The following KDM4C variants were observed in gnomAD, a reference collection of about 807,000 sequenced individuals.
The protein encoded by KDM4C is lysine demethylase 4C.
Under a neutral mutation model 129.3 loss-of-function variants are expected in KDM4C, and 81 were observed. The observed-to-expected ratio is 0.63, with a 90% confidence interval of 0.52 to 0.75. The LOEUF (loss-of-function observed/expected upper bound fraction) is 0.75. KDM4C is among the 30% of genes least tolerant of loss of function. The probability of loss-of-function intolerance (pLI) is 0.00; values close to 1 mark genes in which losing one functional copy is unlikely to be tolerated. For missense variants in KDM4C, 1,457 were observed against 1,304.0 expected (o/e 1.12, Z -1.81); for synonymous variants, 573 against 456.1 (o/e 1.26, Z -3.26).
chr9:6,982,762 C>G (rs1158023070), intron 9 of KDM4C: 1 of 152,174 alleles, frequency 6.6e-6, no homozygotes, highest in Non-Finnish European at 1.5e-5. Flanking sequence ...GACTTGGTTT[C>G]CAGGTATTAA....
At chr9:6,935,525 C>A (rs1047716172) in intron 8 of KDM4C, among the ~76,000 whole-genome samples, 5 of 151,600 alleles carry the variant, frequency 3.3e-5, no homozygotes, top group African/African-American at 1.2e-4. Context: ...TCAAGAGATT[C>A]TCCTGCCTTG....
intron 1 of KDM4C, among the ~76,000 whole-genome samples, chr9:6,733,375 G>A (rs969947411): frequency 6.6e-6 from 1 of 152,206 alleles, no homozygotes; most frequent in African/African-American, 2.4e-5. Context: ...TTCTGTTACA[G>A]AGACTGTTTG....
intron 5 of KDM4C, among the ~76,000 whole-genome samples, chr9:6,878,742 G>A (rs1381277602): frequency 6.6e-6 from 1 of 152,042 alleles, no homozygotes; most frequent in Non-Finnish European, 1.5e-5. Context: ...GTGTGTGTGT[G>A]TATGTATGTG....
intron 4 of KDM4C, among the ~76,000 whole-genome samples, chr9:6,820,129 T>TGTGGGGTGGAGGGACAGTTG (rs1274930657): frequency 6.6e-6 from 1 of 152,116 alleles, no homozygotes; most frequent in African/African-American, 2.4e-5. Context: ...TCATAGACTT[T>TGTGGGGTGGAGGGACAGTTG]GTGGGGTGGA....
intron 4 of KDM4C, among the ~76,000 whole-genome samples, chr9:6,844,193 GGA>G (rs1452641102): frequency 6.6e-6 from 1 of 151,982 alleles, no homozygotes; most frequent in African/African-American, 2.4e-5. Flanking sequence ...TTATAACGTT[GGA>G]TTGAGTCTTC....
chr9:6,924,830 C>G, intron 8 of KDM4C: 2 of 980,982 alleles, frequency 2.0e-6, no homozygotes, highest in Non-Finnish European at 2.4e-6. Flanking sequence ...TTGCTATTAA[C>G]ATGAAAATAA....
intron 17 of KDM4C, among the ~76,000 whole-genome samples, chr9:7,055,777 G>C (rs559214056): frequency 6.6e-6 from 1 of 152,304 alleles, no homozygotes; most frequent in South Asian, 2.1e-4. Context: ...GAATTATTGA[G>C]AGGTAGAGAT....
intron 17 of KDM4C, among the ~76,000 whole-genome samples, chr9:7,082,473 T>G (rs569107433): frequency 2.6e-5 from 4 of 152,314 alleles, no homozygotes; most frequent in African/African-American, 9.6e-5. Context: ...CCTTTCAGTT[T>G]GGGTCCTCAC....
At chr9:7,021,310 A>T (rs1824814606) in intron 15 of KDM4C, among the ~76,000 whole-genome samples, 1 of 151,488 alleles carries the variant, frequency 6.6e-6, no homozygotes, top group Non-Finnish European at 1.5e-5. Flanking sequence ...ATGCCCGGCT[A>T]ATTTTTGTGT....
chr9:6,816,637 T>C (rs529479421), intron 4 of KDM4C, among the ~76,000 whole-genome samples: 1 of 152,334 alleles, frequency 6.6e-6, no homozygotes, highest in Non-Finnish European at 1.5e-5. Context: ...TTACACTTCC[T>C]ATAGCAATGT....
At chr9:7,159,500 C>T (rs1253884133) in intron 19 of KDM4C, among the ~76,000 whole-genome samples, 9 of 152,150 alleles carry the variant, frequency 5.9e-5, no homozygotes, top group Non-Finnish European at 2.9e-5. Context: ...TGGTGCTTCC[C>T]TCAGGAGCTC....
chr9:6,885,630 A>T (rs1056324401), intron 6 of KDM4C, among the ~76,000 whole-genome samples: 4 of 152,104 alleles, frequency 2.6e-5, no homozygotes, highest in Non-Finnish European at 5.9e-5. Context: ...CAAAAAAAAA[A>T]AAAAGGCAGT....
chr9:7,031,876 A>G (rs1295139441), intron 15 of KDM4C, among the ~76,000 whole-genome samples: 1 of 152,198 alleles, frequency 6.6e-6, no homozygotes, highest in Non-Finnish European at 1.5e-5. Context: ...TCTGAGGTGT[A>G]ATGGTCTTCA....
intron 5 of KDM4C, among the ~76,000 whole-genome samples, chr9:6,858,449 A>T (rs943977866): frequency 3.3e-5 from 5 of 152,192 alleles, no homozygotes; most frequent in Admixed American, 6.5e-5. Context: ...TGTTTACCCA[A>T]CTTTCTTTAT....
At chr9:6,792,684 G>A (rs1826907062) in intron 1 of KDM4C, among the ~76,000 whole-genome samples, 1 of 152,130 alleles carries the variant, frequency 6.6e-6, no homozygotes, top group South Asian at 2.1e-4. Flanking sequence ...ACCGCACCCG[G>A]CCTAGAAAAT....
At chr9:7,015,211 G>A (rs1243521975) in intron 14 of KDM4C, among the ~76,000 whole-genome samples, 1 of 151,792 alleles carries the variant, frequency 6.6e-6, no homozygotes, top group Non-Finnish European at 1.5e-5. Flanking sequence ...CCTCTTATAC[G>A]GAGGGGTTTT....
At chr9:6,992,842 T>A (rs752644) in intron 12 of KDM4C, among the ~76,000 whole-genome samples, 109,113 of 152,122 alleles carry the variant, frequency 0.72, 39,511 homozygotes, top group South Asian at 0.84. Flanking sequence ...TAAACAACAA[T>A]CAGTGTCTTC....
chr9:6,983,470 C>T (rs894246336), intron 9 of KDM4C, among the ~76,000 whole-genome samples: 2 of 152,024 alleles, frequency 1.3e-5, no homozygotes, highest in African/African-American at 4.8e-5. Context: ...AATGTGGTGG[C>T]TCATGCCTGT....
intron 8 of KDM4C, among the ~76,000 whole-genome samples, chr9:6,974,223 G>A (rs772936566): frequency 2.0e-5 from 3 of 152,104 alleles, no homozygotes; most frequent in Non-Finnish European, 2.9e-5. Flanking sequence ...TGTTAACTTC[G>A]TCATTGAAAA....
Sources: gnomAD v4.1 joint callset for allele counts (sites outside exome capture counted in the v4.1 genomes callset) on GRCh38, gnomAD v4.1.1 for gene constraint, MANE v1.5 for transcripts, NCBI Gene and HGNC (gene_info 2026-07-23, HGNC 2026-07-21) for gene names.